Variants in MECR observed in about 807,000 individuals in gnomAD.
The protein encoded by MECR is mitochondrial trans-2-enoyl-CoA reductase, also known as enoyl-[acyl-carrier-protein] reductase, mitochondrial.
In MECR, 37 loss-of-function variants were observed where a neutral mutation model predicts 49.1. That is an observed-to-expected ratio of 0.75 (90% CI 0.58 to 0.99). The LOEUF (loss-of-function observed/expected upper bound fraction) is 0.99, where lower values mean the gene tolerates loss of function less well. Ranked by LOEUF, MECR falls within the 50% of genes least tolerant of loss-of-function variation. The pLI, the probability that MECR is intolerant of heterozygous loss-of-function variation, is 0.00. For missense variants in MECR, 470 were observed against 479.6 expected (o/e 0.98, Z 0.19); for synonymous variants, 198 against 191.1 (o/e 1.04, Z -0.30).
Position 29,220,903 on chromosome 1 carries a change from C to A in MECR, c.177-4218G>T, listed in dbSNP as rs572571738. On this transcript the variant is annotated intron_variant, in intron 1 of 9. Transcript: ENST00000263702. ...GGAATATCCAAGGAAACCTCTGGAA[C>A]AATTCCCTGGTTATACCTCTGAAAA... 9.1e-6 allele frequency: 9 copies of A among 985,334 alleles called. No homozygotes were observed. In the South Asian group the frequency reaches 4.2e-4, roughly 46 times the overall value. The allele number at this position is 985,334 out of a possible 1,614,324, so 61.0% of individuals were successfully genotyped here. A position where few individuals can be genotyped will look rare whatever the true frequency, so the allele number is the denominator to read the frequency against.
At chr1:29,224,672 A>AT (rs1045496515) in intron 1 of MECR, 2 of 152,206 alleles carry the variant, frequency 1.3e-5, no homozygotes, top group African/African-American at 4.8e-5. Context: ...GACAGCACAC[A>AT]TACCCATATT....
In MECR at chr1:29,203,366, TC is replaced by T. The variant is rs1376626041; in HGVS notation, c.551-134del. ...AGGGACCCAGGACCTGGCTGCTGAGTCTTCTCAGACCTTCCACTGTTTCTCA... is the reference window on the plus strand; with the variant it reads ...AGGGACCCAGGACCTGGCTGCTGAGTTTCTCAGACCTTCCACTGTTTCTCA... On this transcript the variant is annotated intron_variant, in intron 4 of 9. Transcript: ENST00000263702. 21 of 625,676 alleles carry T rather than the reference TC, an allele frequency of 3.4e-5. No homozygotes were observed. In the African/African-American group the frequency reaches 3.7e-4, roughly 11 times the overall value. The allele number at this position is 625,676 out of a possible 1,614,324, so 38.8% of individuals were successfully genotyped here.
the MECR span, among the ~76,000 whole-genome samples, chr1:29,186,991 T>G: frequency 6.6e-6 from 1 of 152,238 alleles, no homozygotes; most frequent in Non-Finnish European, 1.5e-5. Context: ...TCCACTTACC[T>G]TTCAGCTAGC....
chr1:29,216,812 T>C (rs1028283759), intron 1 of MECR, 127 bp from the exon 2 acceptor site: 8 of 1,538,382 alleles, frequency 5.2e-6, no homozygotes, highest in Non-Finnish European at 7.0e-6. Flanking sequence ...GAATTACGGT[T>C]CTGTTATAAA....
chr1:29,173,929 C>T, the MECR span, among the ~76,000 whole-genome samples: 2 of 151,492 alleles, frequency 1.3e-5, no homozygotes, highest in Non-Finnish European at 2.9e-5. Context: ...TGGCTCACGC[C>T]TGTAATCCCA....
chr1:29,210,135 C>T (rs1677616615), intron 3 of MECR, among the ~76,000 whole-genome samples: 1 of 152,026 alleles, frequency 6.6e-6, no homozygotes, highest in Non-Finnish European at 1.5e-5. Flanking sequence ...CTCAGCCTCC[C>T]AAGTAGCTGG....
intron 3 of MECR, among the ~76,000 whole-genome samples, 163 bp downstream of exon 3, chr1:29,215,842 G>T (rs961206629): frequency 6.6e-6 from 1 of 152,146 alleles, no homozygotes; most frequent in Non-Finnish European, 1.5e-5. Flanking sequence ...TTGCACTCCA[G>T]CCTGGGCAAT....
rs1217392926 is a variant in MECR, at chr1:29,216,901, G to A, written c.177-216C>T. On this transcript the variant is annotated intron_variant, in intron 1 of 9. Coordinates refer to ENST00000263702, the MANE Select transcript of MECR (RefSeq NM_016011.5). ...TGTAATCCCAGCACTTTGGAAGGCC[G>A]AGACAGGCGGATAACCTGAGGTCAG... 1.3e-5 allele frequency: 14 copies of A among 1,041,496 alleles called. No individual in the cohort carries two copies. The South Asian group carries it at 1.8e-4, about 13-fold the overall frequency. The allele number at this position is 1,041,496 out of a possible 1,614,324, so 64.5% of individuals were successfully genotyped here.
chr1:29,211,071 GT>G (rs756962641), intron 3 of MECR, among the ~76,000 whole-genome samples: 7 of 143,666 alleles, frequency 4.9e-5, no homozygotes, highest in East Asian at 4.0e-4. Context: ...CTCACCACTT[GT>G]TTTTGTAAAT....
At chr1:29,181,645 C>G in the MECR span, 1 of 1,587,608 alleles carries the variant, frequency 6.3e-7, no homozygotes, top group Non-Finnish European at 8.6e-7. Flanking sequence ...GCCCTCCTCA[C>G]CCGTTCTTCA....
At chr1:29,180,711 T>C in the MECR span, among the ~76,000 whole-genome samples, 1 of 152,200 alleles carries the variant, frequency 6.6e-6, no homozygotes, top group Non-Finnish European at 1.5e-5. Flanking sequence ...CTACCTAACA[T>C]CTGGTTCCCA....
At chr1:29,214,148 G>C (rs1263685987) in intron 3 of MECR, among the ~76,000 whole-genome samples, 1 of 137,240 alleles carries the variant, frequency 7.3e-6, no homozygotes, top group Non-Finnish European at 1.5e-5. Flanking sequence ...TGTAACCTCC[G>C]CCTCCTGGGA....
intron 3 of MECR, among the ~76,000 whole-genome samples, chr1:29,214,289 G>A (rs550500016): frequency 5.3e-5 from 8 of 151,644 alleles, no homozygotes; most frequent in African/African-American, 1.9e-4. Flanking sequence ...TCAAACTCCT[G>A]ACCTCAGGTG....
chr1:29,181,190 G>A, the MECR span, among the ~76,000 whole-genome samples: 271 of 152,354 alleles, frequency 1.8e-3, 1 homozygote, highest in African/African-American at 6.1e-3. Context: ...GGGGAAGACG[G>A]CGCTGTGACC....
At chr1:29,209,908 T>TG (rs1677541515) in intron 3 of MECR, among the ~76,000 whole-genome samples, 1 of 151,780 alleles carries the variant, frequency 6.6e-6, no homozygotes, top group African/African-American at 2.4e-5. Flanking sequence ...GGGTCAGCTG[T>TG]GGGAAGCAGG....
downstream of MECR, among the ~76,000 whole-genome samples, chr1:29,192,099 A>C (rs971803634): frequency 6.6e-6 from 1 of 152,142 alleles, no homozygotes; most frequent in South Asian, 2.1e-4. Flanking sequence ...TCAAAAAAAA[A>C]AACAAACATT....
chr1:29,183,564 T>C, the MECR span, among the ~76,000 whole-genome samples: 2 of 152,232 alleles, frequency 1.3e-5, no homozygotes, highest in African/African-American at 4.8e-5. Flanking sequence ...AAAAATGTTA[T>C]CTCCAAGTGG....
chr1:29,187,953 C>T (rs1384320543), downstream of MECR, among the ~76,000 whole-genome samples: 4 of 134,702 alleles, frequency 3.0e-5, no homozygotes, highest in Admixed American at 2.5e-4. Flanking sequence ...AGGAGAATGG[C>T]GTGAACCCAG....
Position 29,214,250 on chromosome 1 carries a change from G to A in MECR, c.406+1755C>T, listed in dbSNP as rs536875059. On this transcript the variant is annotated intron_variant, in intron 3 of 9. Transcript: ENST00000263702. ...CTAATTTTTTATTTTTAGAAGAGACGGGGTTTTACCATGTTGGCCAGGCTG... is the reference window on the plus strand; with the variant it reads ...CTAATTTTTTATTTTTAGAAGAGACAGGGTTTTACCATGTTGGCCAGGCTG... 1.2e-4 allele frequency among the ~76,000 whole-genome samples: 18 copies of A among 151,796 alleles called. No individual in the cohort carries two copies. In the South Asian group the frequency reaches 1.7e-3, roughly 14 times the overall value.
Sources: allele counts gnomAD v4.1 joint callset (sites outside exome capture counted in the v4.1 genomes callset), GRCh38; gene constraint gnomAD v4.1.1; transcripts MANE v1.5; gene names NCBI Gene and HGNC (gene_info 2026-07-23, HGNC 2026-07-21).